The following LRRC4C variants were observed in gnomAD, a reference collection of about 807,000 sequenced individuals.
The protein encoded by LRRC4C is leucine rich repeat containing 4C, also known as leucine-rich repeat-containing protein 4C.
In LRRC4C, 5 loss-of-function variants were observed where a neutral mutation model predicts 33.6. The ratio of observed to expected loss-of-function variants is 0.15; its 90% CI spans 0.08 to 0.31. The LOEUF (loss-of-function observed/expected upper bound fraction) is 0.31. Among genes scored for constraint, LRRC4C ranks in the 10% least tolerant of loss-of-function variants. LRRC4C has a pLI of 1.00. For synonymous variants in LRRC4C, 329 were observed against 302.0 expected (o/e 1.09, Z -0.93); for missense variants, 560 against 796.7 (o/e 0.70, Z 3.58).
intron 2 of LRRC4C, among the ~76,000 whole-genome samples, chr11:40,910,461 A>G (rs571643402): frequency 3.3e-5 from 5 of 152,214 alleles, no homozygotes; most frequent in Admixed American, 3.3e-4. Flanking sequence ...ATGTAGCTTT[A>G]ATGTCACTTG....
chr11:41,216,524 C>A (rs901843371), intron 1 of LRRC4C, among the ~76,000 whole-genome samples: 4 of 151,286 alleles, frequency 2.6e-5, no homozygotes. Flanking sequence ...GCTTTTCTAA[C>A]AGCCCAGTGT....
intron 1 of LRRC4C, among the ~76,000 whole-genome samples, chr11:41,438,875 G>A (rs183582780): frequency 1.4e-4 from 22 of 152,228 alleles, no homozygotes; most frequent in African/African-American, 5.1e-4. Flanking sequence ...TAAATTGGTA[G>A]GTGTTTTTAA....
chr11:40,959,304 T>C (rs1321776342), intron 1 of LRRC4C, among the ~76,000 whole-genome samples: 2 of 151,676 alleles, frequency 1.3e-5, no homozygotes, highest in Non-Finnish European at 3.0e-5. Flanking sequence ...ATAGCTATGA[T>C]AAGCAAGACA....
intron 1 of LRRC4C, among the ~76,000 whole-genome samples, chr11:41,213,212 A>AACATG (rs1475514252): frequency 1.5e-4 from 23 of 152,218 alleles, no homozygotes; most frequent in Non-Finnish European, 8.8e-5. Flanking sequence ...CCCACATGTT[A>AACATG]TAAACTAAAC....
chr11:40,562,154 T>G (rs1957574810), intron 3 of LRRC4C, among the ~76,000 whole-genome samples: 1 of 152,202 alleles, frequency 6.6e-6, no homozygotes, highest in African/African-American at 2.4e-5. Flanking sequence ...CAAACAAACC[T>G]TAACAATTAA....
At chr11:40,764,251 C>A (rs1221545421) in intron 2 of LRRC4C, among the ~76,000 whole-genome samples, 1 of 152,150 alleles carries the variant, frequency 6.6e-6, no homozygotes, top group Non-Finnish European at 1.5e-5. Context: ...AGGGCCCAAC[C>A]CAGTCCTGGG....
At chr11:41,304,189 G>A (rs981743566) in intron 1 of LRRC4C, among the ~76,000 whole-genome samples, 22 of 95,862 alleles carry the variant, frequency 2.3e-4, no homozygotes, top group Admixed American at 4.5e-4. Flanking sequence ...TCAGCCCCCC[G>A]CCTGGCCAGC....
chr11:40,416,595 T>C (rs1050103875), intron 3 of LRRC4C, among the ~76,000 whole-genome samples: 5 of 152,284 alleles, frequency 3.3e-5, no homozygotes, highest in Admixed American at 3.3e-4. Flanking sequence ...TACTCAGAAT[T>C]AATTATTACA....
At chr11:40,389,494 A>G (rs2137434540) in intron 3 of LRRC4C, among the ~76,000 whole-genome samples, 2 of 152,168 alleles carry the variant, frequency 1.3e-5, no homozygotes, top group Admixed American at 1.3e-4. Flanking sequence ...TCAAAAAACC[A>G]TTATTTTTTC....
chr11:41,436,816 C>T (rs1216455701), intron 1 of LRRC4C, among the ~76,000 whole-genome samples: 1 of 152,168 alleles, frequency 6.6e-6, no homozygotes, highest in Non-Finnish European at 1.5e-5. Context: ...TCTCATCTTT[C>T]AAGAGTCCCT....
At chr11:40,906,692 CT>C (rs1170540851) in intron 2 of LRRC4C, among the ~76,000 whole-genome samples, 12 of 146,592 alleles carry the variant, frequency 8.2e-5, no homozygotes, top group African/African-American at 2.7e-4. Context: ...ATGTTTCCCT[CT>C]CTCTCTCTCT....
chr11:40,987,374 T>G (rs1407849352), intron 1 of LRRC4C, among the ~76,000 whole-genome samples: 2 of 152,114 alleles, frequency 1.3e-5, no homozygotes, highest in African/African-American at 4.8e-5. Flanking sequence ...TTTAATAACT[T>G]GCTGAAATAA....
At chr11:40,368,154 CA>C (rs529807818) in intron 3 of LRRC4C, among the ~76,000 whole-genome samples, 1 of 152,012 alleles carries the variant, frequency 6.6e-6, no homozygotes, top group African/African-American at 2.4e-5. Flanking sequence ...AAAATCAGCA[CA>C]TGTAAATAAA....
chr11:40,634,545 C>T (rs886188783), intron 3 of LRRC4C, among the ~76,000 whole-genome samples: 7 of 152,004 alleles, frequency 4.6e-5, no homozygotes, highest in Non-Finnish European at 5.9e-5. Flanking sequence ...CTAAGATGTT[C>T]GTACTAACAT....
intron 4 of LRRC4C, among the ~76,000 whole-genome samples, chr11:40,299,040 A>G (rs1484260294): frequency 6.6e-6 from 1 of 152,196 alleles, no homozygotes; most frequent in Non-Finnish European, 1.5e-5. Flanking sequence ...GCAAAGTTGT[A>G]TAAAACGAAA....
At chr11:40,340,888 A>T (rs1237739918) in intron 3 of LRRC4C, among the ~76,000 whole-genome samples, 1 of 152,192 alleles carries the variant, frequency 6.6e-6, no homozygotes, top group Non-Finnish European at 1.5e-5. Flanking sequence ...AAGCTCATGT[A>T]GTCACTTATC....
At chr11:40,826,710 G>A (rs1290465029) in intron 2 of LRRC4C, among the ~76,000 whole-genome samples, 1 of 151,852 alleles carries the variant, frequency 6.6e-6, no homozygotes, top group East Asian at 1.9e-4. Flanking sequence ...AGACACAACA[G>A]GCAATTCAAG....
chr11:41,329,591 G>T (rs1240164025), intron 1 of LRRC4C, among the ~76,000 whole-genome samples: 1 of 152,078 alleles, frequency 6.6e-6, no homozygotes, highest in African/African-American at 2.4e-5. Context: ...TTATATTCAT[G>T]ATTACTGCCT....
chr11:40,555,771 G>A (rs1379189248), intron 3 of LRRC4C, among the ~76,000 whole-genome samples: 1 of 152,120 alleles, frequency 6.6e-6, no homozygotes, highest in Admixed American at 6.6e-5. Context: ...GAATTCAAAG[G>A]GTTAAAAATG....
Sources: allele counts gnomAD v4.1 joint callset (sites outside exome capture counted in the v4.1 genomes callset), GRCh38; gene constraint gnomAD v4.1.1; transcripts MANE v1.5; gene names NCBI Gene and HGNC (gene_info 2026-07-23, HGNC 2026-07-21).